Variants in DNER observed in about 807,000 individuals in gnomAD.
The protein encoded by DNER is delta/notch like EGF repeat containing, also known as delta and Notch-like epidermal growth factor-related receptor.
A neutral mutation model predicts 78.2 loss-of-function variants in DNER; 33 were observed. That is an observed-to-expected ratio of 0.42 (90% CI 0.32 to 0.56). DNER has a LOEUF of 0.56. Ranked by LOEUF, DNER falls within the 20% of genes least tolerant of loss-of-function variation. The probability of loss-of-function intolerance (pLI) is 0.11; values close to 1 mark genes in which losing one functional copy is unlikely to be tolerated. For synonymous variants in DNER, 417 were observed against 384.8 expected, an observed-to-expected ratio of 1.08 and a Z score of -0.98; for missense variants, 918 against 975.3, an observed-to-expected ratio of 0.94 and a Z score of 0.78.
intron 1 of DNER, among the ~76,000 whole-genome samples, chr2:229,685,659 G>C (rs1699472328): frequency 6.6e-6 from 1 of 152,174 alleles, no homozygotes; most frequent in South Asian, 2.1e-4. Context: ...TTCAGTGGTT[G>C]CAAATGTCAG....
At chr2:229,413,278 G>C (rs1693563174) in intron 9 of DNER, among the ~76,000 whole-genome samples, 1 of 149,240 alleles carries the variant, frequency 6.7e-6, no homozygotes, top group Admixed American at 6.7e-5. Flanking sequence ...TCAACATCTG[G>C]CAGAAGTTCC....
rs563571258 is a variant in DNER, at chr2:229,472,240, G to A, written c.1261+4900C>T. On this transcript the variant is annotated intron_variant, in intron 7 of 12. Transcript: ENST00000341772. ...TAAAATGATATGTTTTCAAAATAGT[G>A]CATAAAGCCCCATATTCTCTCTTTG... is the stretch of plus-strand genomic sequence containing the variant. 1.8e-4 allele frequency among the ~76,000 whole-genome samples: 28 copies of A among 152,288 alleles called. No individual in the cohort carries two copies. The South Asian group carries it at 5.4e-3, about 29-fold the overall frequency.
chr2:229,590,400 C>T (rs747381419), intron 2 of DNER, among the ~76,000 whole-genome samples: 24 of 152,314 alleles, frequency 1.6e-4, no homozygotes, highest in African/African-American at 5.5e-4. Context: ...TTGATAGCTT[C>T]TTCTTTCTAA....
intron 1 of DNER, among the ~76,000 whole-genome samples, chr2:229,685,288 C>G (rs1699464920): frequency 8.8e-6 from 1 of 113,394 alleles, no homozygotes; most frequent in African/African-American, 3.5e-5. Flanking sequence ...TGAATAAATA[C>G]TTCACAGGAT....
intron 7 of DNER, among the ~76,000 whole-genome samples, chr2:229,456,422 C>G (rs1258977669): frequency 1.3e-5 from 2 of 151,298 alleles, no homozygotes; most frequent in Non-Finnish European, 2.9e-5. Context: ...TAAACCACAC[C>G]AAGCAGAAAG....
At chr2:229,372,819 G>A (rs1003712945) in intron 11 of DNER, among the ~76,000 whole-genome samples, 4 of 152,070 alleles carry the variant, frequency 2.6e-5, no homozygotes, top group African/African-American at 9.7e-5. Flanking sequence ...GGGAATGGAT[G>A]TGAGTGCTGT....
At chr2:229,697,262 G>A (rs1361948959) in intron 1 of DNER, among the ~76,000 whole-genome samples, 1 of 152,148 alleles carries the variant, frequency 6.6e-6, no homozygotes, top group Non-Finnish European at 1.5e-5. Context: ...GTCACATAAT[G>A]GATTACTCCA....
intron 7 of DNER, among the ~76,000 whole-genome samples, chr2:229,451,223 C>T (rs1694449842): frequency 1.3e-5 from 2 of 152,212 alleles, no homozygotes; most frequent in African/African-American, 4.8e-5. Context: ...CTTTGGGAGA[C>T]TGAGGCAGGC....
intron 6 of DNER, among the ~76,000 whole-genome samples, chr2:229,488,366 A>G (rs966514592): frequency 6.6e-6 from 1 of 152,156 alleles, no homozygotes; most frequent in Non-Finnish European, 1.5e-5. Context: ...TGTGTATATT[A>G]CATTTGTATA....
rs559500672 is a variant in DNER at position 229,679,337 on chromosome 2, G to C, written c.276+34811C>G. Among the ~76,000 whole-genome samples the C allele has an allele frequency of 2.6e-5, 4 of 152,218 alleles. No individual in the cohort carries two copies. In the East Asian group the frequency reaches 7.7e-4, roughly 29 times the overall value. ...AAAAAGGTATGTAAGGAAAGAAGGA[G>C]CTCAGCAAGTAGTTATAATATTACT... On this transcript the variant is annotated intron_variant, in intron 1 of 12. Coordinates refer to ENST00000341772, the MANE Select transcript of DNER (RefSeq NM_139072.4).
chr2:229,620,107 C>G (rs1698228587), intron 1 of DNER, among the ~76,000 whole-genome samples: 1 of 152,162 alleles, frequency 6.6e-6, no homozygotes, highest in Non-Finnish European at 1.5e-5. Flanking sequence ...TTGTTCAGAA[C>G]CAAAGCGACT....
chr2:229,439,216 T>C (rs1694186116), intron 8 of DNER, among the ~76,000 whole-genome samples: 1 of 152,210 alleles, frequency 6.6e-6, no homozygotes, highest in African/African-American at 2.4e-5. Flanking sequence ...TATTCAAGAA[T>C]GCCCACTATG....
chr2:229,363,391 G>A (rs1692258880), intron 12 of DNER, among the ~76,000 whole-genome samples: 1 of 152,152 alleles, frequency 6.6e-6, no homozygotes, highest in African/African-American at 2.4e-5. Flanking sequence ...CTATGGAGAG[G>A]ATAACATCAA....
At position 229,455,803 on chromosome 2, in the gene DNER, T is replaced by C. The variant is rs192238865; in HGVS notation, c.1262-8263A>G. Among the ~76,000 whole-genome samples the C allele has an allele frequency of 2.2e-3, 339 of 152,264 alleles. 6 individuals are homozygous for C. The highest frequency in any genetic ancestry group is 7.6e-3 in the African/African-American group (314 of 41,500). ...ACTGTTCCAAGGGTTTTAAATATAC[T>C]AAGTCATTTAACTCTCACATCAATC... is the stretch of plus-strand genomic sequence containing the variant. On this transcript the variant is annotated intron_variant, in intron 7 of 12. Transcript: ENST00000341772.
intron 1 of DNER, among the ~76,000 whole-genome samples, chr2:229,676,231 C>T (rs141716865): frequency 5.3e-5 from 8 of 152,170 alleles, no homozygotes; most frequent in African/African-American, 1.7e-4. Flanking sequence ...CTTGACTTTG[C>T]AGAAGGAATA....
At position 229,593,123 on chromosome 2, in the gene DNER, A is replaced by T. The variant is rs189603667; in HGVS notation, c.277-1235T>A. Among the ~76,000 whole-genome samples, 6 of 152,354 alleles carry T rather than the reference A, an allele frequency of 3.9e-5. No homozygotes were observed. The South Asian group carries it at 1.0e-3, about 26-fold the overall frequency. On this transcript the variant is annotated intron_variant, in intron 1 of 12. Transcript: ENST00000341772. ...CTCAGATCAGAGTCAATGGATTTGT[A>T]TCTGAAGAGAATATTTAAATTGTCA...
At chr2:229,423,443 C>T (rs974854960) in intron 8 of DNER, among the ~76,000 whole-genome samples, 4 of 151,868 alleles carry the variant, frequency 2.6e-5, no homozygotes, top group African/African-American at 9.7e-5. Flanking sequence ...GGTGAAACCC[C>T]ATCTCTACTA....
intron 8 of DNER, among the ~76,000 whole-genome samples, chr2:229,423,022 C>T (rs1454028616): frequency 6.6e-6 from 1 of 152,098 alleles, no homozygotes; most frequent in East Asian, 1.9e-4. Context: ...TGAACACCCT[C>T]AAAACCATGG....
rs561463040 is a variant in DNER at position 229,388,243 on chromosome 2, G to C, written c.1855+22C>G. Reference sequence around the variant, plus strand: ...CAGCTATAAATGTTAAATAACAGTGGCTGAGCTGCAGAAATACTTACGGAT... The same window carrying C: ...CAGCTATAAATGTTAAATAACAGTGCCTGAGCTGCAGAAATACTTACGGAT... On this transcript the variant is annotated intron_variant, in intron 11 of 12. Transcript: ENST00000341772. The C allele has an allele frequency of 3.1e-6, 5 of 1,597,306 alleles. No homozygotes were observed. The East Asian group carries it at 6.9e-5, about 22-fold the overall frequency.
Sources: gnomAD v4.1 joint callset for allele counts (sites outside exome capture counted in the v4.1 genomes callset) on GRCh38, gnomAD v4.1.1 for gene constraint, MANE v1.5 for transcripts, NCBI Gene and HGNC (gene_info 2026-07-23, HGNC 2026-07-21) for gene names.